Variants in RAB38 observed in about 807,000 individuals in gnomAD.
RAB38 encodes the protein ras-related protein Rab-38.
A neutral mutation model predicts 18.4 loss-of-function variants in RAB38; 15 were observed. The observed-to-expected ratio is 0.82, with a 90% CI of 0.55 to 1.26. RAB38 has a LOEUF of 1.26. Ranked by LOEUF, RAB38 falls within the 50% of genes most tolerant of loss-of-function variation. RAB38 has a pLI of 0.00. For synonymous variants in RAB38, 101 were observed against 104.4 expected, an observed-to-expected ratio of 0.97 and a Z score of 0.20; for missense variants, 294 against 267.4, an observed-to-expected ratio of 1.10 and a Z score of -0.69.
chr11:87,864,457 C>T, the RAB38 span, among the ~76,000 whole-genome samples: 1 of 151,486 alleles, frequency 6.6e-6, no homozygotes, highest in Non-Finnish European at 1.5e-5. Flanking sequence ...AATTTACATA[C>T]ATCATTTAAT....
chr11:88,088,500 G>T, the RAB38 span, among the ~76,000 whole-genome samples: 2 of 151,834 alleles, frequency 1.3e-5, no homozygotes. Context: ...AAGATTTTAT[G>T]AAGACTAAGT....
At chr11:87,933,556 T>C in the RAB38 span, among the ~76,000 whole-genome samples, 10 of 152,082 alleles carry the variant, frequency 6.6e-5, no homozygotes, top group Middle Eastern at 3.4e-3. Context: ...AGGAATGAGA[T>C]TCTGTAAATG....
the RAB38 span, among the ~76,000 whole-genome samples, chr11:87,968,696 T>C: frequency 1.3e-5 from 2 of 152,188 alleles, no homozygotes; most frequent in African/African-American, 2.4e-5. Flanking sequence ...GACAAAGCAG[T>C]GTGCTCAGTT....
At chr11:87,924,649 T>G in the RAB38 span, among the ~76,000 whole-genome samples, 1 of 152,008 alleles carries the variant, frequency 6.6e-6, no homozygotes, top group South Asian at 2.1e-4. Flanking sequence ...GGTGGCATGT[T>G]GCATACACAC....
the RAB38 span, among the ~76,000 whole-genome samples, chr11:87,938,098 G>C: frequency 6.6e-6 from 1 of 151,918 alleles, no homozygotes; most frequent in Admixed American, 6.6e-5. Context: ...CGCTTTCTCT[G>C]TCATCTTGTT....
chr11:87,963,708 A>G, the RAB38 span, among the ~76,000 whole-genome samples: 1 of 145,616 alleles, frequency 6.9e-6, no homozygotes. Flanking sequence ...GTGCAGTGGT[A>G]TGGTCTCGGC....
the RAB38 span, among the ~76,000 whole-genome samples, chr11:87,810,804 GAA>G: frequency 0.011 from 1,574 of 146,824 alleles, 30 homozygotes; most frequent in African/African-American, 0.035. Flanking sequence ...TGAATAGAAG[GAA>G]AAAAAAAAAA....
chr11:88,079,601 A>C, the RAB38 span, among the ~76,000 whole-genome samples: 2 of 151,836 alleles, frequency 1.3e-5, no homozygotes, highest in African/African-American at 2.4e-5. Context: ...CAAGAAAAGA[A>C]AACTATCTAC....
At chr11:87,877,299 G>A in the RAB38 span, among the ~76,000 whole-genome samples, 356 of 151,630 alleles carry the variant, frequency 2.3e-3, 1 homozygote, top group Non-Finnish European at 4.3e-3. Flanking sequence ...GTGTCATTAA[G>A]TGTCATTAAC....
the RAB38 span, among the ~76,000 whole-genome samples, chr11:87,962,227 T>A: frequency 1.3e-5 from 2 of 152,064 alleles, no homozygotes; most frequent in Non-Finnish European, 2.9e-5. Flanking sequence ...AAGCATCTTT[T>A]AAAAAAATCC....
chr11:88,092,196 T>G, the RAB38 span, among the ~76,000 whole-genome samples: 1 of 151,432 alleles, frequency 6.6e-6, no homozygotes, highest in African/African-American at 2.4e-5. Context: ...GAGTTGTGAG[T>G]AAAAAACAAG....
chr11:88,059,182 C>CAT, the RAB38 span, among the ~76,000 whole-genome samples: 117,410 of 152,014 alleles, frequency 0.77, 45,551 homozygotes, highest in African/African-American at 0.84. Flanking sequence ...AAAATAAGAA[C>CAT]GTGTGAAAAG....
the RAB38 span, among the ~76,000 whole-genome samples, chr11:87,963,997 A>G: frequency 6.6e-6 from 1 of 152,140 alleles, no homozygotes; most frequent in Non-Finnish European, 1.5e-5. Flanking sequence ...CTAAGTTTGG[A>G]GATAAGGGAA....
chr11:88,150,047 A>T, intron 1 of RAB38, 92 bp from the exon 2 acceptor site: 6 of 1,340,334 alleles, frequency 4.5e-6, no homozygotes, highest in Non-Finnish European at 6.1e-6. Flanking sequence ...TGAGCAAGTC[A>T]ATCAGTAAAG....
At chr11:88,164,160 AC>A (rs954540979) in intron 1 of RAB38, among the ~76,000 whole-genome samples, 3 of 151,474 alleles carry the variant, frequency 2.0e-5, no homozygotes, top group Non-Finnish European at 4.4e-5. Context: ...TTTATAAATA[AC>A]CCCCAAGAGA....
chr11:88,072,605 C>T, the RAB38 span, among the ~76,000 whole-genome samples: 2 of 152,086 alleles, frequency 1.3e-5, no homozygotes, highest in African/African-American at 4.8e-5. Flanking sequence ...AAGCAGATTG[C>T]ATGAATTTAA....
chr11:88,101,611 T>C, the RAB38 span, among the ~76,000 whole-genome samples: 1 of 151,844 alleles, frequency 6.6e-6, no homozygotes, highest in Non-Finnish European at 1.5e-5. Flanking sequence ...CTCATGAATT[T>C]TGCATTCATT....
chr11:88,044,054 A>G, the RAB38 span, among the ~76,000 whole-genome samples: 1 of 151,906 alleles, frequency 6.6e-6, no homozygotes, highest in Admixed American at 6.6e-5. Context: ...CCTTCTCTTA[A>G]TTTCAGTTCC....
At chr11:87,915,567 G>A in the RAB38 span, among the ~76,000 whole-genome samples, 3 of 152,000 alleles carry the variant, frequency 2.0e-5, no homozygotes, top group Non-Finnish European at 2.9e-5. Flanking sequence ...AAAAGGGGAG[G>A]GATCCTCAGT....
Sources: allele counts gnomAD v4.1 joint callset (sites outside exome capture counted in the v4.1 genomes callset), GRCh38; gene constraint gnomAD v4.1.1; transcripts MANE v1.5; gene names NCBI Gene and HGNC (gene_info 2026-07-23, HGNC 2026-07-21).